The following NRDC variants were observed in gnomAD, a reference collection of about 807,000 sequenced individuals.
NRDC encodes nardilysin convertase, also known as nardilysin.
In NRDC, 54 loss-of-function variants were observed where a neutral mutation model predicts 147.1. The observed-to-expected ratio is 0.37, with a 90% CI of 0.29 to 0.46. The LOEUF (loss-of-function observed/expected upper bound fraction) is 0.46. Among genes scored for constraint, NRDC ranks in the 20% least tolerant of loss-of-function variants. The probability of loss-of-function intolerance (pLI) is 1.00; values close to 1 mark genes in which losing one functional copy is unlikely to be tolerated. For missense variants in NRDC, 1,082 were observed against 1,370.6 expected (o/e 0.79, Z 3.33); for synonymous variants, 440 against 482.1 (o/e 0.91, Z 1.14).
In NRDC at chr1:51,789,933, C is replaced by G. The variant is rs187066111; in HGVS notation, c.3169-276G>C. The G allele has an allele frequency of 1.5e-3, 623 of 415,318 alleles. 4 individuals carry two copies. Among genetic ancestry groups the G allele is most frequent in the African/African-American group, 9.1e-3 (454 of 49,868 alleles). 25.7% of individuals were successfully genotyped at this position (415,318 alleles called of 1,614,324 possible). ...ACACTGAGCCCAACACCCACATCCC[C>G]TTAGTGTCACCTCCCAATTACATGG... On this transcript the variant is annotated intron_variant, in intron 29 of 30. Transcript: ENST00000352171.
intron 9 of NRDC, among the ~76,000 whole-genome samples, chr1:51,819,496 T>G (rs758561281): frequency 1.3e-5 from 2 of 152,064 alleles, no homozygotes; most frequent in African/African-American, 2.4e-5. Flanking sequence ...GAGCAGAATA[T>G]AAATAAAATG....
intron 24 of NRDC, 71 bp downstream of exon 24, chr1:51,794,401 C>G: frequency 6.7e-7 from 1 of 1,484,646 alleles, no homozygotes; most frequent in Non-Finnish European, 9.3e-7. Flanking sequence ...TATAAAAGGG[C>G]CTTGAAGGTC....
At chr1:51,836,467 A>G (rs1185059173) in intron 2 of NRDC, 1 of 1,600,000 alleles carries the variant, frequency 6.3e-7, no homozygotes, top group Non-Finnish European at 8.6e-7. Context: ...AACAGACAGA[A>G]AAAAAGGGAA....
intron 1 of NRDC, among the ~76,000 whole-genome samples, chr1:51,863,934 T>C (rs915117841): frequency 2.0e-5 from 3 of 152,372 alleles, no homozygotes; most frequent in Middle Eastern, 3.4e-3. Flanking sequence ...CCTAACCTAC[T>C]GAACATCAAT....
intron 19 of NRDC, among the ~76,000 whole-genome samples, chr1:51,804,741 C>T (rs113062484): frequency 3.4e-5 from 5 of 148,190 alleles, no homozygotes; most frequent in African/African-American, 1.3e-4. Context: ...TAGGTTCAGA[C>T]ACATTTCCCA....
chr1:51,824,496 C>T (rs1557913341), intron 6 of NRDC, among the ~76,000 whole-genome samples: 1 of 152,102 alleles, frequency 6.6e-6, no homozygotes, highest in Non-Finnish European at 1.5e-5. Context: ...CAGAAATATA[C>T]AGGGAAACAA....
At chr1:51,836,588 CTAGA>C in intron 2 of NRDC, 1 of 650,396 alleles carries the variant, frequency 1.5e-6, no homozygotes, top group South Asian at 1.9e-5. Context: ...AGTAACATAT[CTAGA>C]TAGATATCTC....
chr1:51,869,187 C>T (rs768392917), intron 1 of NRDC, among the ~76,000 whole-genome samples: 1 of 152,082 alleles, frequency 6.6e-6, no homozygotes, highest in Non-Finnish European at 1.5e-5. Context: ...TGATCTCCAG[C>T]GATCCTCCTG....
intron 2 of NRDC, among the ~76,000 whole-genome samples, chr1:51,837,236 G>A (rs975787762): frequency 2.0e-5 from 3 of 152,088 alleles, no homozygotes; most frequent in African/African-American, 7.2e-5. Context: ...AACATATTTG[G>A]TGAAACAGAT....
chr1:51,793,324 G>T (rs1440610294), intron 24 of NRDC, among the ~76,000 whole-genome samples: 1 of 152,238 alleles, frequency 6.6e-6, no homozygotes, highest in East Asian at 1.9e-4. Context: ...CACTGAAAAT[G>T]TAGACTAGGT....
intron 19 of NRDC, 64 bp from the exon 20 acceptor site, chr1:51,804,028 C>A: frequency 7.0e-7 from 1 of 1,426,178 alleles, no homozygotes; most frequent in South Asian, 1.4e-5. Context: ...AATAGATTTG[C>A]TTCAATTTAG....
chr1:51,814,292 G>A, intron 13 of NRDC: 2 of 564,778 alleles, frequency 3.5e-6, no homozygotes, highest in Non-Finnish European at 6.3e-6. Flanking sequence ...CCTGAACCTA[G>A]AATAAAAGTT....
chr1:51,795,145 T>G (rs1306842955), intron 22 of NRDC: 1 of 1,385,496 alleles, frequency 7.2e-7, no homozygotes, highest in Non-Finnish European at 9.5e-7. Context: ...TTTACCCAAC[T>G]AGGCTGTGGC....
Position 51,789,622 on chromosome 1 carries a change from C to G in NRDC, c.3204G>C (p.Leu1068=). The change falls in exon 30 of 31, where the codon CTG becomes CTC. Residue 1068 remains leucine, a synonymous_variant. Transcript: ENST00000352171. ...CTCTATGGGCCTTGAACCAGTTGAC[C>G]AGGTCTGATTTTGAGAATGACTTCA... ...EALKSFSKSD[L]VNWFKAHRGP... 1 of 1,613,946 alleles carries G rather than the reference C, an allele frequency of 6.2e-7. No individual in the cohort carries two copies. The highest frequency in any genetic ancestry group is 8.5e-7 in the Non-Finnish European group (1 of 1,179,862).
At chr1:51,791,518 G>A in intron 27 of NRDC, 60 bp downstream of exon 27, 1 of 1,379,568 alleles carries the variant, frequency 7.2e-7, no homozygotes, top group Non-Finnish European at 1.0e-6. Context: ...GGAAACACAT[G>A]TAGCCCCTAC....
At chr1:51,865,125 C>T (rs879573241) in intron 1 of NRDC, among the ~76,000 whole-genome samples, 2 of 151,532 alleles carry the variant, frequency 1.3e-5, no homozygotes, top group African/African-American at 2.4e-5. Context: ...CTCATATAAT[C>T]GACAAAAAAT....
chr1:51,849,634 G>C (rs1408295278), intron 1 of NRDC, among the ~76,000 whole-genome samples: 1 of 151,534 alleles, frequency 6.6e-6, no homozygotes, highest in African/African-American at 2.4e-5. Flanking sequence ...GGCTAACACG[G>C]TGAAACCCCG....
intron 1 of NRDC, among the ~76,000 whole-genome samples, chr1:51,872,233 T>C (rs1178230955): frequency 1.3e-5 from 2 of 152,176 alleles, no homozygotes; most frequent in Non-Finnish European, 2.9e-5. Context: ...GTGATCTTCC[T>C]GCCTTGGCCG....
At position 51,803,819 on chromosome 1, in the gene NRDC, G is replaced by A; in HGVS notation, c.2308C>T (p.Leu770=). Residue 770 remains leucine, a synonymous_variant, in exon 20 of 31, where the codon CTA becomes TTA. Coordinates refer to ENST00000352171, the MANE Select transcript of NRDC (RefSeq NM_001101662.2). ...IIRVKGFNHK[L]PLLFQLIIDY... is the part of the protein sequence containing the mutation. ...AACAGAGTACTTGTACTTACAGGTAGTTTGTGGTTAAATCCTTTCACTCGA... is the reference window on the plus strand; with the variant it reads ...AACAGAGTACTTGTACTTACAGGTAATTTGTGGTTAAATCCTTTCACTCGA... 1 of 1,611,882 alleles carries A rather than the reference G, an allele frequency of 6.2e-7. No homozygotes were observed. Among genetic ancestry groups the A allele is most frequent in the South Asian group, 1.1e-5 (1 of 90,502 alleles).
Sources: allele counts gnomAD v4.1 joint callset (sites outside exome capture counted in the v4.1 genomes callset), GRCh38; gene constraint gnomAD v4.1.1; transcripts MANE v1.5; gene names NCBI Gene and HGNC (gene_info 2026-07-23, HGNC 2026-07-21).